Variants in CNTN1 observed in about 807,000 individuals in gnomAD.
CNTN1 encodes the protein contactin-1.
CNTN1 carries 38 observed loss-of-function variants against 126.4 expected under a neutral mutation model. That is an observed-to-expected ratio of 0.30 (90% confidence interval 0.23 to 0.39). CNTN1 has a LOEUF of 0.39. Ranked by LOEUF, CNTN1 falls within the 10% of genes least tolerant of loss-of-function variation. CNTN1 has a pLI of 1.00. For missense variants in CNTN1, 1,009 were observed against 1,248.4 expected (o/e 0.81, Z 2.89); for synonymous variants, 413 against 422.6 (o/e 0.98, Z 0.28).
chr12:40,769,722 A>AT (rs1270092910), intron 1 of CNTN1, among the ~76,000 whole-genome samples: 10 of 151,692 alleles, frequency 6.6e-5, no homozygotes, highest in East Asian at 3.9e-4. Flanking sequence ...TTTATTAGGG[A>AT]TTTTTTTTGG....
At position 40,824,369 on chromosome 12, in the gene CNTN1, C is replaced by T. The variant is rs532887200; in HGVS notation, c.-76-83988C>T. Among the ~76,000 whole-genome samples, 3 of 152,040 alleles carry T rather than the reference C, an allele frequency of 2.0e-5. No homozygotes were observed. In the South Asian group the frequency reaches 6.2e-4, roughly 32 times the overall value. On this transcript the variant is annotated intron_variant, in intron 1 of 23. Coordinates refer to ENST00000551295, the MANE Select transcript of CNTN1 (RefSeq NM_001843.4). ...TGCCTTCAAGCCTTTTCTTCCAACA[C>T]TAAGCCTTGAGAGGAAATAAATTAA...
intron 15 of CNTN1, chr12:40,972,186 C>A: frequency 1.0e-6 from 1 of 985,346 alleles, no homozygotes; most frequent in Non-Finnish European, 1.2e-6. Context: ...AAGCCATTAA[C>A]AGCATGCATT....
In CNTN1 at chr12:40,926,310, C is replaced by A. The variant is rs117275372; in HGVS notation, c.496+1658C>A. On this transcript the variant is annotated intron_variant, in intron 6 of 23. Coordinates refer to ENST00000551295, the MANE Select transcript of CNTN1 (RefSeq NM_001843.4). ...ACTAGAAGGAAAGTTGGAATAAACA[C>A]CTGAAGGAAGTAAAGGAGCTAACAA... Among the ~76,000 whole-genome samples, 1,491 of 151,320 alleles carry A rather than the reference C, an allele frequency of 9.9e-3. 13 individuals carry two copies. Among genetic ancestry groups the A allele is most frequent in the Non-Finnish European group, 0.016 (1,109 of 67,832 alleles).
In CNTN1 at chr12:40,924,548, C is replaced by A; in HGVS notation, c.401-9C>A. The A allele has an allele frequency of 6.8e-7, 1 of 1,460,820 alleles. No individual in the cohort carries two copies. The highest frequency in any genetic ancestry group is 9.6e-7 in the Non-Finnish European group (1 of 1,042,856). 90.5% of individuals were successfully genotyped at this position (1,460,820 alleles called of 1,614,324 possible). A position where few individuals can be genotyped will look rare whatever the true frequency, so the allele number is the denominator to read the frequency against. On this transcript the variant is annotated splice_polypyrimidine_tract_variant and intron_variant, in intron 5 of 23. Transcript: ENST00000551295. ...AGTGAATGTTTCTCTTTTTTTCTTT[C>A]GTAATTAGATCTTGATCCTTTCCCA... is the stretch of plus-strand genomic sequence containing the variant.
At chr12:40,878,879 G>C (rs1943773351) in intron 1 of CNTN1, among the ~76,000 whole-genome samples, 1 of 152,118 alleles carries the variant, frequency 6.6e-6, no homozygotes, top group Admixed American at 6.5e-5. Flanking sequence ...GATCATCCTA[G>C]TTGTTCGAAG....
intron 14 of CNTN1, 32 bp downstream of exon 14, chr12:40,944,202 C>G: frequency 6.6e-7 from 1 of 1,525,978 alleles, no homozygotes; most frequent in Non-Finnish European, 9.1e-7. Context: ...TTATTAACAC[C>G]CCAGTGATTC....
chr12:40,916,932 G>A (rs1222733281), intron 3 of CNTN1, among the ~76,000 whole-genome samples: 1 of 151,904 alleles, frequency 6.6e-6, no homozygotes, highest in East Asian at 1.9e-4. Context: ...TATGGAATAT[G>A]TCTGAGGTCT....
At chr12:40,698,838 C>G (rs1941521362) in intron 1 of CNTN1, among the ~76,000 whole-genome samples, 1 of 152,120 alleles carries the variant, frequency 6.6e-6, no homozygotes, top group Non-Finnish European at 1.5e-5. Context: ...TCTGATTAAT[C>G]AAATTTCTTC....
rs1024083348 is a variant in CNTN1, at chr12:41,028,968, A to G, written c.2824-95A>G. ...GTTTTAAATTTATTACTTTTTGTTAATCAAAGTATAAGCATTTTTATTCTG... is the reference window on the plus strand; with the variant it reads ...GTTTTAAATTTATTACTTTTTGTTAGTCAAAGTATAAGCATTTTTATTCTG... On this transcript the variant is annotated intron_variant, in intron 22 of 23. Transcript: ENST00000551295. 4 of 1,191,348 alleles carry G rather than the reference A, an allele frequency of 3.4e-6. No individual in the cohort carries two copies. The African/African-American group carries it at 6.1e-5, about 18-fold the overall frequency. The allele number at this position is 1,191,348 out of a possible 1,614,324, so 73.8% of individuals were successfully genotyped here. A position where few individuals can be genotyped will look rare whatever the true frequency, so the allele number is the denominator to read the frequency against.
chr12:41,004,290 T>G (rs1033415296), intron 17 of CNTN1, among the ~76,000 whole-genome samples: 1 of 152,228 alleles, frequency 6.6e-6, no homozygotes, highest in African/African-American at 2.4e-5. Context: ...TTGATTTTGC[T>G]GTGGTCCAAG....
intron 1 of CNTN1, among the ~76,000 whole-genome samples, chr12:40,871,168 A>G (rs148596694): frequency 9.7e-4 from 142 of 146,200 alleles, no homozygotes; most frequent in African/African-American, 3.3e-3. Flanking sequence ...CTAAGTAGTG[A>G]CTTGGATCTG....
chr12:40,875,999 A>C lies in CNTN1; in HGVS notation c.-76-32358A>C, dbSNP rs145303920. Reference sequence around the variant, plus strand: ...CTTAAAGGTCAAAAAGTCAGTGTCTATCTCAAGGTAACATTATTTTTTATC... The same window carrying C: ...CTTAAAGGTCAAAAAGTCAGTGTCTCTCTCAAGGTAACATTATTTTTTATC... On this transcript the variant is annotated intron_variant, in intron 1 of 23. Coordinates refer to ENST00000551295, the MANE Select transcript of CNTN1 (RefSeq NM_001843.4). Among the ~76,000 whole-genome samples the C allele has an allele frequency of 3.0e-4, 45 of 152,198 alleles. No individual in the cohort carries two copies. The East Asian group carries it at 7.5e-3, about 25-fold the overall frequency.
At chr12:40,759,850 A>G (rs1020311257) in intron 1 of CNTN1, among the ~76,000 whole-genome samples, 4 of 150,150 alleles carry the variant, frequency 2.7e-5, no homozygotes, top group African/African-American at 9.9e-5. Flanking sequence ...CTTGGCACCT[A>G]CAACAGGAAC....
At chr12:40,921,290 G>A (rs1335993990) in intron 4 of CNTN1, among the ~76,000 whole-genome samples, 4 of 152,016 alleles carry the variant, frequency 2.6e-5, no homozygotes, top group East Asian at 3.9e-4. Context: ...GGAAATGAGC[G>A]ATGTGGCCAC....
chr12:40,761,417 G>A (rs765596623), intron 1 of CNTN1, among the ~76,000 whole-genome samples: 3 of 151,726 alleles, frequency 2.0e-5, no homozygotes, highest in East Asian at 1.9e-4. Context: ...TTTAATCTGC[G>A]GTTTCCTTTT....
chr12:40,773,906 A>G (rs1220744122), intron 1 of CNTN1, among the ~76,000 whole-genome samples: 3 of 151,428 alleles, frequency 2.0e-5, no homozygotes, highest in Non-Finnish European at 3.0e-5. Context: ...AACTCCAGAT[A>G]TGATCTCGTC....
chr12:41,038,684 G>C (rs779191371), intron 23 of CNTN1, among the ~76,000 whole-genome samples: 1 of 152,106 alleles, frequency 6.6e-6, no homozygotes, highest in Non-Finnish European at 1.5e-5. Flanking sequence ...AATAGTGTGG[G>C]TGAAAGTCTT....
Position 41,034,660 on chromosome 12 carries a change from G to A in CNTN1, c.2980+5441G>A, listed in dbSNP as rs56098210. Among the ~76,000 whole-genome samples, 468 of 152,168 alleles carry A rather than the reference G, an allele frequency of 3.1e-3. 2 individuals carry two copies. The highest frequency in any genetic ancestry group is 0.011 in the African/African-American group (456 of 41,526). On this transcript the variant is annotated intron_variant, in intron 23 of 23. Transcript: ENST00000551295. ...TCATGGGATCAATTTGAGTATTCAA[G>A]TATATAAATCTAGCCTATATATTTT...
chr12:40,811,540 C>CT (rs986147658), intron 1 of CNTN1, among the ~76,000 whole-genome samples: 1 of 151,954 alleles, frequency 6.6e-6, no homozygotes, highest in Non-Finnish European at 1.5e-5. Context: ...CATTTCTGGG[C>CT]TTTTTTTGAT....
Sources: allele counts gnomAD v4.1 joint callset (sites outside exome capture counted in the v4.1 genomes callset), GRCh38; gene constraint gnomAD v4.1.1; transcripts MANE v1.5; gene names NCBI Gene and HGNC (gene_info 2026-07-23, HGNC 2026-07-21).